The following RNLS variants were observed in gnomAD, a reference collection of about 807,000 sequenced individuals.
RNLS encodes the protein renalase, FAD dependent amine oxidase, also known as renalase.
A neutral mutation model predicts 39.8 loss-of-function variants in RNLS; 39 were observed. The ratio of observed to expected loss-of-function variants is 0.98; its 90% CI spans 0.76 to 1.28. The LOEUF (loss-of-function observed/expected upper bound fraction) is 1.28. RNLS is among the 50% of genes most tolerant of loss of function. The pLI is 0.00. For missense variants in RNLS, 410 were observed against 413.3 expected (o/e 0.99, Z 0.07); for synonymous variants, 147 against 150.7 (o/e 0.98, Z 0.18).
chr10:88,303,657 C>G (rs1160670943), intron 6 of RNLS, among the ~76,000 whole-genome samples: 1 of 152,124 alleles, frequency 6.6e-6, no homozygotes, highest in Non-Finnish European at 1.5e-5. Context: ...AGTCCGCCCA[C>G]CCTCCCCCTA....
At chr10:88,459,623 A>T (rs1842832770) in intron 4 of RNLS, among the ~76,000 whole-genome samples, 1 of 152,154 alleles carries the variant, frequency 6.6e-6, no homozygotes, top group South Asian at 2.1e-4. Flanking sequence ...GGGATAGTTG[A>T]AAAAGAAAAC....
At chr10:88,559,261 T>A (rs1037763321) in intron 4 of RNLS, among the ~76,000 whole-genome samples, 3 of 152,198 alleles carry the variant, frequency 2.0e-5, no homozygotes, top group African/African-American at 7.2e-5. Context: ...AGTTTAAGCA[T>A]ATGTTAAGGT....
intron 4 of RNLS, among the ~76,000 whole-genome samples, chr10:88,509,691 C>T (rs1474345706): frequency 6.6e-6 from 1 of 151,296 alleles, no homozygotes; most frequent in African/African-American, 2.4e-5. Flanking sequence ...ATTTTATAGG[C>T]CAGGTGTTCT....
At chr10:88,274,718 C>T in exon 7 of RNLS, 1 of 390,978 alleles carries the variant, frequency 2.6e-6, no homozygotes, top group Non-Finnish European at 4.8e-6. Flanking sequence ...AGATGTGGAA[C>T]TGCAGATCAT....
At chr10:88,517,528 T>C (rs1038567773) in intron 4 of RNLS, among the ~76,000 whole-genome samples, 16 of 151,940 alleles carry the variant, frequency 1.1e-4, no homozygotes, top group Admixed American at 3.9e-4. Context: ...GTATGTAATA[T>C]GAACTGAGAA....
At chr10:88,564,025 C>A (rs191237286) in intron 4 of RNLS, among the ~76,000 whole-genome samples, 40 of 152,192 alleles carry the variant, frequency 2.6e-4, no homozygotes, top group Admixed American at 8.5e-4. Context: ...CATATCTGTT[C>A]TATATCTGCA....
chr10:88,440,839 C>A (rs1841671449), intron 4 of RNLS, among the ~76,000 whole-genome samples: 1 of 152,222 alleles, frequency 6.6e-6, no homozygotes, highest in African/African-American at 2.4e-5. Context: ...AGAACTGTCC[C>A]TGGCACTAGT....
chr10:88,246,637 G>T, the RNLS span, among the ~76,000 whole-genome samples: 4 of 150,692 alleles, frequency 2.7e-5, no homozygotes, highest in African/African-American at 9.8e-5. Flanking sequence ...TTTCCTTCCC[G>T]TTCCTTTCCC....
intron 4 of RNLS, among the ~76,000 whole-genome samples, chr10:88,550,668 A>C (rs1229079441): frequency 1.3e-5 from 2 of 152,338 alleles, no homozygotes; most frequent in Middle Eastern, 6.8e-3. Flanking sequence ...TTTATAAACA[A>C]CAATAAAATA....
At chr10:88,238,258 A>G in the RNLS span, among the ~76,000 whole-genome samples, 1 of 152,170 alleles carries the variant, frequency 6.6e-6, no homozygotes, top group African/African-American at 2.4e-5. Context: ...CAGATTTGCA[A>G]CCTCTGTAAT....
chr10:88,392,383 A>T (rs1067840), intron 4 of RNLS, among the ~76,000 whole-genome samples: 106,436 of 152,150 alleles, frequency 0.7, 38,106 homozygotes, highest in African/African-American at 0.86. Context: ...TAAATTCTCA[A>T]CTCTGCCTAA....
intron 4 of RNLS, among the ~76,000 whole-genome samples, chr10:88,431,322 G>A (rs1315227352): frequency 2.0e-5 from 3 of 151,584 alleles, no homozygotes; most frequent in East Asian, 3.9e-4. Flanking sequence ...TGGTAATTAC[G>A]TCATCTCTCT....
intron 4 of RNLS, among the ~76,000 whole-genome samples, chr10:88,534,813 T>C (rs1847643772): frequency 6.6e-6 from 1 of 152,040 alleles, no homozygotes; most frequent in African/African-American, 2.4e-5. Flanking sequence ...TTGAAATAAA[T>C]AGGAAATGTG....
At chr10:88,388,042 G>A (rs575022639) in intron 4 of RNLS, among the ~76,000 whole-genome samples, 12 of 152,226 alleles carry the variant, frequency 7.9e-5, no homozygotes, top group East Asian at 5.8e-4. Context: ...TATCACAGTC[G>A]CCTTTCATTT....
chr10:88,358,349 T>TG (rs1849362769), intron 5 of RNLS, among the ~76,000 whole-genome samples: 1 of 152,146 alleles, frequency 6.6e-6, no homozygotes, highest in African/African-American at 2.4e-5. Context: ...AAAGGTGACA[T>TG]CAAGTCAGGG....
At chr10:88,194,594 G>A in the RNLS span, among the ~76,000 whole-genome samples, 1 of 152,168 alleles carries the variant, frequency 6.6e-6, no homozygotes, top group Non-Finnish European at 1.5e-5. Flanking sequence ...ATGACTAAGA[G>A]TCAACCAAAG....
chr10:88,375,730 T>C (rs1168746618), intron 4 of RNLS, among the ~76,000 whole-genome samples: 1 of 152,104 alleles, frequency 6.6e-6, no homozygotes, highest in Non-Finnish European at 1.5e-5. Flanking sequence ...TAAGGAAAAA[T>C]GGCTTCCCTT....
At chr10:88,491,174 T>C (rs1204814886) in intron 4 of RNLS, among the ~76,000 whole-genome samples, 1 of 152,124 alleles carries the variant, frequency 6.6e-6, no homozygotes, top group Non-Finnish European at 1.5e-5. Context: ...TGCTAGTGGT[T>C]CATATTTAGC....
At chr10:88,288,691 A>C (rs1268859862) in intron 6 of RNLS, among the ~76,000 whole-genome samples, 4 of 152,174 alleles carry the variant, frequency 2.6e-5, no homozygotes, top group African/African-American at 9.6e-5. Context: ...GTGTAATTTA[A>C]TTTGATGAGT....
Sources: gnomAD v4.1 joint callset for allele counts (sites outside exome capture counted in the v4.1 genomes callset) on GRCh38, gnomAD v4.1.1 for gene constraint, MANE v1.5 for transcripts, NCBI Gene and HGNC (gene_info 2026-07-23, HGNC 2026-07-21) for gene names.